TMEM132B: variants seen among roughly 807,000 people sequenced by gnomAD.
TMEM132B encodes transmembrane protein 132B.
A neutral mutation model predicts 90.8 loss-of-function variants in TMEM132B; 18 were observed. The observed-to-expected ratio is 0.20, with a 90% CI of 0.14 to 0.29. The LOEUF is 0.29. Among genes scored for constraint, TMEM132B ranks in the 10% least tolerant of loss-of-function variants. The pLI is 1.00. For synonymous variants in TMEM132B, 504 were observed against 523.3 expected, an observed-to-expected ratio of 0.96 and a Z score of 0.50; for missense variants, 1,096 against 1,326.8, an observed-to-expected ratio of 0.83 and a Z score of 2.70.
At chr12:125,587,406 GGT>G (rs1885207027) in intron 5 of TMEM132B, 1 of 152,102 alleles carries the variant, frequency 6.6e-6, no homozygotes, top group Non-Finnish European at 1.5e-5. Context: ...GTGTGTGGGG[GGT>G]GCGGGGAGGG....
intron 4 of TMEM132B, among the ~76,000 whole-genome samples, chr12:125,527,787 C>T (rs1233520310): frequency 6.6e-6 from 1 of 152,246 alleles, no homozygotes; most frequent in Non-Finnish European, 1.5e-5. Context: ...ACTTTTCCAT[C>T]CACCCATCCA....
rs774204973 is a variant in TMEM132B, at chr12:125,652,639, G to A, written c.2106+7G>A. On this transcript the variant is annotated splice_region_variant and intron_variant, in intron 8 of 8. Coordinates refer to ENST00000682704, the MANE Select transcript of TMEM132B (RefSeq NM_001366854.1). ...TCTTCAGTCCCCACAGCAGGTGAGC[G>A]TTCCAGGGGCCCTGCGTCCTTGGTC... 35 of 1,606,502 alleles carry A rather than the reference G, an allele frequency of 2.2e-5. No homozygotes were observed. The East Asian group carries it at 4.3e-4, about 20-fold the overall frequency.
intron 1 of TMEM132B, among the ~76,000 whole-genome samples, chr12:125,201,823 C>T (rs370887104): frequency 2.6e-5 from 4 of 152,186 alleles, no homozygotes; most frequent in East Asian, 1.9e-4. Context: ...TCAGCAACTG[C>T]TTTGGTCTGC....
chr12:125,395,209 G>A (rs1879137331), intron 2 of TMEM132B, among the ~76,000 whole-genome samples: 1 of 152,186 alleles, frequency 6.6e-6, no homozygotes, highest in African/African-American at 2.4e-5. Context: ...GTGTGTCTGG[G>A]TTGGAGAGGA....
chr12:125,568,288 T>C (rs1566076491), intron 4 of TMEM132B, among the ~76,000 whole-genome samples: 1 of 152,240 alleles, frequency 6.6e-6, no homozygotes, highest in African/African-American at 2.4e-5. Flanking sequence ...TATATATTTA[T>C]GGGGTACATG....
intron 4 of TMEM132B, among the ~76,000 whole-genome samples, chr12:125,560,079 A>T (rs1176433075): frequency 6.6e-6 from 1 of 152,176 alleles, no homozygotes; most frequent in Non-Finnish European, 1.5e-5. Context: ...GTGTCCACCG[A>T]GGGCTTGGGG....
chr12:125,605,170 T>G (rs1885662828), intron 5 of TMEM132B, among the ~76,000 whole-genome samples: 1 of 152,332 alleles, frequency 6.6e-6, no homozygotes, highest in Admixed American at 6.5e-5. Flanking sequence ...GCAGACACCT[T>G]CTGGGCAGTC....
chr12:125,405,076 C>T (rs1250127665), intron 2 of TMEM132B, among the ~76,000 whole-genome samples: 1 of 152,182 alleles, frequency 6.6e-6, no homozygotes, highest in Non-Finnish European at 1.5e-5. Context: ...GTGTTAGCTT[C>T]CTGGGGCTGC....
chr12:125,279,867 GATA>G (rs1377858948), intron 1 of TMEM132B, among the ~76,000 whole-genome samples: 2 of 152,186 alleles, frequency 1.3e-5, no homozygotes, highest in Admixed American at 6.5e-5. Context: ...TGATGAAGAT[GATA>G]ATGATACATG....
At chr12:125,319,561 G>C (rs1042631317) in intron 1 of TMEM132B, among the ~76,000 whole-genome samples, 1 of 152,186 alleles carries the variant, frequency 6.6e-6, no homozygotes, top group Non-Finnish European at 1.5e-5. Flanking sequence ...GGTGACCTCA[G>C]ACTACCCTCC....
At chr12:125,545,861 T>G (rs1884077957) in intron 4 of TMEM132B, among the ~76,000 whole-genome samples, 1 of 152,222 alleles carries the variant, frequency 6.6e-6, no homozygotes, top group Non-Finnish European at 1.5e-5. Context: ...CATGGGTGAC[T>G]TTTTTGATTA....
chr12:125,605,942 G>A (rs1205319682), intron 5 of TMEM132B, among the ~76,000 whole-genome samples: 1 of 152,212 alleles, frequency 6.6e-6, no homozygotes, highest in Non-Finnish European at 1.5e-5. Flanking sequence ...CATTGTGAAA[G>A]CTGGCATCAG....
chr12:125,298,567 G>A (rs1182541706), intron 1 of TMEM132B, among the ~76,000 whole-genome samples: 9 of 148,648 alleles, frequency 6.1e-5, no homozygotes, highest in African/African-American at 1.5e-4. Context: ...CCAGCTGCTC[G>A]GGAGGCTGAG....
rs879307102 is a variant in TMEM132B, at chr12:125,407,752, G to A, written c.960-7779G>A. Among the ~76,000 whole-genome samples the A allele has an allele frequency of 1.6e-4, 25 of 152,166 alleles. No individual in the cohort carries two copies. The highest frequency in any genetic ancestry group is 1.8e-4 in the Non-Finnish European group (12 of 68,040). On this transcript the variant is annotated intron_variant, in intron 2 of 8. Transcript: ENST00000682704. This position sits in a 1 kb window ranked among gnomAD's most constrained non-coding sequence, Gnocchi z 6.7. ...CCTGGTGGAGGTCTGGGGGAGAAAC[G>A]CCTCTGTGTGTCTGGGGTGGTGACA...
chr12:125,411,550 G>T (rs542310093), intron 2 of TMEM132B, among the ~76,000 whole-genome samples: 8 of 152,190 alleles, frequency 5.3e-5, no homozygotes, highest in African/African-American at 1.9e-4. Context: ...AAAAACCGGA[G>T]ATGCCCAGTT....
At position 125,489,132 on chromosome 12, in the gene TMEM132B, T is replaced by G. The variant is rs146748155; in HGVS notation, c.1107-30307T>G. 3.1e-3 allele frequency among the ~76,000 whole-genome samples: 467 copies of G among 152,364 alleles called. 7 individuals carry two copies. Among genetic ancestry groups the G allele is most frequent in the African/African-American group, 0.01 (432 of 41,586 alleles). ...TGCATATGCAATGATCTCTTTAATT[T>G]TCTCTGGGTTTGCCTACATAAGCTT... On this transcript the variant is annotated intron_variant, in intron 3 of 8. Coordinates refer to ENST00000682704, the MANE Select transcript of TMEM132B (RefSeq NM_001366854.1).
chr12:125,348,348 A>T (rs1242045359), intron 1 of TMEM132B, among the ~76,000 whole-genome samples: 4 of 152,110 alleles, frequency 2.6e-5, no homozygotes, highest in African/African-American at 9.7e-5. Context: ...TTTTCTTGAG[A>T]CAGGGTTTTG....
intron 1 of TMEM132B, among the ~76,000 whole-genome samples, chr12:125,267,672 T>G (rs1593061920): frequency 6.6e-6 from 1 of 151,964 alleles, no homozygotes; most frequent in Non-Finnish European, 1.5e-5. Context: ...TAGGGAGTGG[T>G]GGGGACTGTG....
intron 3 of TMEM132B, among the ~76,000 whole-genome samples, chr12:125,442,816 T>G (rs1035609097): frequency 1.3e-5 from 2 of 152,202 alleles, no homozygotes; most frequent in Admixed American, 6.5e-5. Context: ...AATGCATATC[T>G]TTGTGTGACA....
Sources: allele counts gnomAD v4.1 joint callset (sites outside exome capture counted in the v4.1 genomes callset), GRCh38; gene constraint gnomAD v4.1.1; non-coding constraint Gnocchi (gnomAD v3.1); transcripts MANE v1.5; gene names NCBI Gene and HGNC (gene_info 2026-07-23, HGNC 2026-07-21).